Variants in TOX4 observed in about 807,000 individuals in gnomAD.
The protein encoded by TOX4 is TOX high mobility group box family member 4.
In TOX4, 12 loss-of-function variants were observed where a neutral mutation model predicts 61.0. The ratio of observed to expected loss-of-function variants is 0.20; its 90% CI spans 0.13 to 0.32. TOX4 has a LOEUF of 0.32. TOX4 is among the 10% of genes least tolerant of loss of function. The pLI, the probability that TOX4 is intolerant of heterozygous loss-of-function variation, is 1.00. For missense variants in TOX4, 499 were observed against 753.3 expected, an observed-to-expected ratio of 0.66 and a Z score of 3.95; for synonymous variants, 268 against 274.8, an observed-to-expected ratio of 0.98 and a Z score of 0.24.
At chr14:21,496,211 C>CA (rs570396556) in intron 8 of TOX4, 35,833 of 109,846 alleles carry the variant, frequency 0.33, 4,521 homozygotes, top group Middle Eastern at 0.4. Context: ...GACTCCATCT[C>CA]AAAAAAAAAA....
chr14:21,495,088 C>CA, intron 7 of TOX4, 141 bp from the exon 8 acceptor site: 1 of 847,824 alleles, frequency 1.2e-6, no homozygotes, highest in Non-Finnish European at 1.9e-6. Context: ...ACCAAGAACT[C>CA]ACCTTCTTCT....
At chr14:21,481,642 A>T (rs532459026) in intron 2 of TOX4, among the ~76,000 whole-genome samples, 1 of 152,344 alleles carries the variant, frequency 6.6e-6, no homozygotes, top group Admixed American at 6.5e-5. Context: ...TTCACCAAAA[A>T]CATGTTCACA....
intron 5 of TOX4, among the ~76,000 whole-genome samples, chr14:21,491,598 C>T (rs1281086380): frequency 1.1e-4 from 17 of 150,300 alleles, no homozygotes; most frequent in African/African-American, 3.2e-4. Context: ...CTCCTGACCT[C>T]GTGATCTGGC....
chr14:21,489,877 G>A (rs548577439), intron 5 of TOX4, among the ~76,000 whole-genome samples: 140 of 149,190 alleles, frequency 9.4e-4, no homozygotes, highest in African/African-American at 3.2e-3. Context: ...CACTGCGCCC[G>A]GCCTATTTAA....
At chr14:21,488,923 T>A in intron 4 of TOX4, 73 bp downstream of exon 4, 1 of 1,576,422 alleles carries the variant, frequency 6.3e-7, no homozygotes, top group Non-Finnish European at 8.6e-7. Flanking sequence ...CAGAGCCTAA[T>A]CAGTATTCTT....
At chr14:21,490,731 A>AT (rs544831279) in intron 5 of TOX4, among the ~76,000 whole-genome samples, 26 of 152,092 alleles carry the variant, frequency 1.7e-4, no homozygotes, top group Non-Finnish European at 2.6e-4. Flanking sequence ...TCTAAGTCTC[A>AT]TTTTTTCCCC....
chr14:21,489,437 T>C, intron 5 of TOX4, 34 bp downstream of exon 5: 1 of 1,564,358 alleles, frequency 6.4e-7, no homozygotes, highest in African/African-American at 1.4e-5. Context: ...TAGTGAATGT[T>C]CCAGAAGTTT....
chr14:21,487,058 G>A (rs773148203), intron 2 of TOX4, among the ~76,000 whole-genome samples: 7 of 152,186 alleles, frequency 4.6e-5, no homozygotes, highest in Non-Finnish European at 8.8e-5. Context: ...TGTAATAATT[G>A]TGAAATAACT....
chr14:21,488,712 A>G lies in TOX4; in HGVS notation c.441A>G (p.Ser147=). The G allele has an allele frequency of 5.0e-6, 8 of 1,614,204 alleles. No individual in the cohort carries two copies. Among genetic ancestry groups the G allele is most frequent in the Non-Finnish European group, 6.8e-6 (8 of 1,180,040 alleles). Residue 147 remains serine, a synonymous_variant, in exon 4 of 9, where the codon TCA becomes TCG. Transcript: ENST00000448790. ...GCCAGTTGACCACCATTGATCAGTCAGAACTGAGTTCCCAGCTGGGTTTGA... is the reference window on the plus strand; with the variant it reads ...GCCAGTTGACCACCATTGATCAGTCGGAACTGAGTTCCCAGCTGGGTTTGA... ...GHSQLTTIDQ[S]ELSSQLGLSL... is the part of the protein sequence containing the mutation.
chr14:21,493,874 C>T (rs1252208477), intron 7 of TOX4, among the ~76,000 whole-genome samples: 1 of 151,866 alleles, frequency 6.6e-6, no homozygotes, highest in East Asian at 1.9e-4. Context: ...CTCAGCCTCC[C>T]GAGTAGCTGG....
intron 2 of TOX4, among the ~76,000 whole-genome samples, chr14:21,487,067 C>A (rs1594427140): frequency 1.3e-5 from 2 of 152,172 alleles, no homozygotes; most frequent in African/African-American, 4.8e-5. Context: ...TGTGAAATAA[C>A]TGCTCTATTA....
At position 21,495,239 on chromosome 14, in the gene TOX4, C is replaced by T; in HGVS notation, c.1652C>T (p.Pro551Leu). Residue 551 changes from proline (P) to leucine (L), a missense_variant, in exon 8 of 9, where the codon CCT (proline) becomes CTT (leucine). Physicochemically the swap from Pro to Leu is moderately conservative, Grantham distance 98. Coordinates refer to ENST00000448790, the MANE Select transcript of TOX4 (RefSeq NM_014828.4). ...TTCTTCTTCTCACAGGTTGAGTCTC[C>T]TTCTCAGATGGATGTTGAATTGGTG... The part of the protein sequence containing the change: ...ITDVVPEVES[P>L]SQMDVELVSG... 6.2e-7 allele frequency: 1 copy of T among 1,613,720 alleles called. No homozygotes were observed. Among genetic ancestry groups the T allele is most frequent in the Admixed American group, 1.7e-5 (1 of 59,998 alleles).
intron 8 of TOX4, 186 bp from the exon 9 acceptor site, chr14:21,496,360 C>G (rs1420297016): frequency 2.0e-6 from 1 of 504,880 alleles, no homozygotes; most frequent in African/African-American, 2.0e-5. Context: ...ACCCTGTCCC[C>G]ACTAAAAATA....
intron 8 of TOX4, chr14:21,496,172 C>G (rs1349623555): frequency 1.2e-5 from 2 of 163,810 alleles, no homozygotes; most frequent in East Asian, 1.8e-4. Flanking sequence ...GAAGATCACG[C>G]CACTGCACTC....
chr14:21,493,321 A>G, intron 7 of TOX4, 64 bp downstream of exon 7: 1 of 1,517,740 alleles, frequency 6.6e-7, no homozygotes, highest in Non-Finnish European at 8.8e-7. Flanking sequence ...TGGTTGACCC[A>G]ATAACAGTGG....
chr14:21,477,705 C>T (rs1431527471), intron 2 of TOX4, 141 bp downstream of exon 2: 3 of 857,674 alleles, frequency 3.5e-6, no homozygotes, highest in Admixed American at 5.1e-5. Context: ...GTGGCGGTTG[C>T]TTCTAGAGCC....
chr14:21,479,862 C>T (rs1891079060), intron 2 of TOX4, among the ~76,000 whole-genome samples: 1 of 152,160 alleles, frequency 6.6e-6, no homozygotes, highest in Admixed American at 6.6e-5. Flanking sequence ...ACGTTGGCCT[C>T]GTTCATGAGA....
In TOX4 at chr14:21,498,345, ATCCAGT is replaced by A; in HGVS notation, c.*1741_*1746del. 6.2e-7 allele frequency: 1 copy of A among 1,614,156 alleles called. No individual in the cohort carries two copies. The highest frequency in any genetic ancestry group is 1.1e-5 in the South Asian group (1 of 91,086). ...CATCTGGGTCTAGTAGGTGGATCCC[ATCCAGT>A]TGGTTTCCAAGGGTGATCCTGAAAC... is the stretch of plus-strand genomic sequence containing the variant. On this transcript the variant is annotated 3_prime_UTR_variant, in exon 9 of 9. Transcript: ENST00000448790.
Position 21,477,835 on chromosome 14 carries a change from C to T in TOX4, c.75+271C>T, listed in dbSNP as rs1209122373. Among the ~76,000 whole-genome samples the T allele has an allele frequency of 3.9e-5, 6 of 152,312 alleles. No homozygotes were observed. The South Asian group carries it at 1.0e-3, about 26-fold the overall frequency. On this transcript the variant is annotated intron_variant, in intron 2 of 8. Coordinates refer to ENST00000448790, the MANE Select transcript of TOX4 (RefSeq NM_014828.4). ...GGATTAGAAGACAGAGTGGAATTGT[C>T]TCCTTTCTCTGGGGAGAAATAGCTA...
Sources: gnomAD v4.1 joint callset for allele counts (sites outside exome capture counted in the v4.1 genomes callset) on GRCh38, gnomAD v4.1.1 for gene constraint, MANE v1.5 for transcripts, NCBI Gene and HGNC (gene_info 2026-07-23, HGNC 2026-07-21) for gene names.